MED27: variants seen among roughly 807,000 people sequenced by gnomAD.
The protein encoded by MED27 is mediator of RNA polymerase II transcription subunit 27.
A neutral mutation model predicts 38.2 loss-of-function variants in MED27; 30 were observed. The ratio of observed to expected loss-of-function variants is 0.79; its 90% CI spans 0.59 to 1.07. The LOEUF (loss-of-function observed/expected upper bound fraction) is 1.07, where lower values mean the gene tolerates loss of function less well. Among genes scored for constraint, MED27 ranks in the 50% least tolerant of loss-of-function variants. The pLI is 0.00. For synonymous variants in MED27, 122 were observed against 153.5 expected (o/e 0.79, Z 1.52); for missense variants, 289 against 397.5 (o/e 0.73, Z 2.32).
At chr9:131,941,850 G>A (rs1421038510) in intron 3 of MED27, among the ~76,000 whole-genome samples, 1 of 57,352 alleles carries the variant, frequency 1.7e-5, no homozygotes, top group Admixed American at 2.6e-4. Context: ...TTTTGAGACC[G>A]AGTCTCGCTC....
rs946623150 is a variant in MED27, at chr9:131,910,034, G to A, written c.574-16042C>T. 2.0e-5 allele frequency among the ~76,000 whole-genome samples: 3 copies of A among 152,298 alleles called. No homozygotes were observed. The East Asian group carries it at 5.8e-4, about 29-fold the overall frequency. On this transcript the variant is annotated intron_variant, in intron 4 of 7. Transcript: ENST00000292035. ...CTTTTATAAGATTTGAATAGTAGCA[G>A]TTTGCATTTATGTAGAATGCATTTA... is the stretch of plus-strand genomic sequence containing the variant.
At chr9:131,950,192 T>G (rs1830965072) in intron 3 of MED27, among the ~76,000 whole-genome samples, 1 of 152,216 alleles carries the variant, frequency 6.6e-6, no homozygotes, top group South Asian at 2.1e-4. Context: ...TGTGTTGAGC[T>G]TTCCAGCAAC....
chr9:132,067,812 C>T (rs1166695473), intron 2 of MED27, among the ~76,000 whole-genome samples: 3 of 151,942 alleles, frequency 2.0e-5, no homozygotes, highest in Non-Finnish European at 2.9e-5. Flanking sequence ...CCCGGGTTCA[C>T]GCCATTCTCC....
At chr9:132,047,840 T>C (rs1286619827) in intron 2 of MED27, among the ~76,000 whole-genome samples, 1 of 152,152 alleles carries the variant, frequency 6.6e-6, no homozygotes. Flanking sequence ...TTTCATTGCA[T>C]ATCAAGAATG....
intron 4 of MED27, among the ~76,000 whole-genome samples, chr9:131,929,581 C>A (rs1308938921): frequency 6.6e-6 from 1 of 152,150 alleles, no homozygotes; most frequent in African/African-American, 2.4e-5. Context: ...TTTTCACTGA[C>A]TGAAGGGCCC....
At chr9:131,991,055 C>T (rs1831961105) in intron 3 of MED27, among the ~76,000 whole-genome samples, 1 of 152,190 alleles carries the variant, frequency 6.6e-6, no homozygotes, top group South Asian at 2.1e-4. Flanking sequence ...TAAAACATAA[C>T]TGAGAGCACT....
At chr9:131,946,281 G>A (rs1033865439) in intron 3 of MED27, among the ~76,000 whole-genome samples, 5 of 152,094 alleles carry the variant, frequency 3.3e-5, no homozygotes, top group African/African-American at 1.2e-4. Context: ...AGAATTGCTG[G>A]GTCATATGGT....
At chr9:132,026,768 C>T (rs114646185) in intron 2 of MED27, among the ~76,000 whole-genome samples, 2,346 of 152,104 alleles carry the variant, frequency 0.015, 62 homozygotes, top group African/African-American at 0.053. Context: ...CAGTGCTTGG[C>T]CTATCAATAA....
intron 4 of MED27, among the ~76,000 whole-genome samples, chr9:131,920,694 C>T (rs563951476): frequency 6.6e-6 from 1 of 152,114 alleles, no homozygotes; most frequent in South Asian, 2.1e-4. Flanking sequence ...GTAGAAGAGA[C>T]AGGAGAGCAG....
intron 4 of MED27, among the ~76,000 whole-genome samples, chr9:131,901,463 C>T (rs1029973537): frequency 2.0e-5 from 3 of 152,130 alleles, no homozygotes; most frequent in Non-Finnish European, 4.4e-5. Context: ...GTAACAAAAT[C>T]GACATATGCC....
intron 4 of MED27, among the ~76,000 whole-genome samples, chr9:131,914,106 G>A (rs151172532): frequency 1.8e-4 from 27 of 152,348 alleles, no homozygotes; most frequent in African/African-American, 6.5e-4. Context: ...GATGAGGGCA[G>A]AGGGCAGGGA....
intron 3 of MED27, among the ~76,000 whole-genome samples, chr9:131,940,662 T>G (rs1471995303): frequency 6.6e-6 from 1 of 152,172 alleles, no homozygotes; most frequent in Non-Finnish European, 1.5e-5. Context: ...GTGATCCACC[T>G]GCCTCAGCCT....
intron 3 of MED27, 33 bp downstream of exon 3, chr9:132,014,304 G>A: frequency 6.2e-7 from 1 of 1,600,814 alleles, no homozygotes; most frequent in Non-Finnish European, 8.5e-7. Flanking sequence ...AGTTCACCCA[G>A]TACTAAAGTA....
chr9:132,035,331 A>C lies in MED27; in HGVS notation c.349-20864T>G, dbSNP rs556720698. On this transcript the variant is annotated intron_variant, in intron 2 of 7. Coordinates refer to ENST00000292035, the MANE Select transcript of MED27 (RefSeq NM_004269.4). ...GTCAAATGTGCCTGGCACTGCTCTA[A>C]GGACAGTACTGGGAATAAGCAACAA... Among the ~76,000 whole-genome samples, 3 of 152,374 alleles carry C rather than the reference A, an allele frequency of 2.0e-5. No individual in the cohort carries two copies. In the East Asian group the frequency reaches 5.8e-4, roughly 29 times the overall value.
rs986859320 is a variant in MED27, at chr9:131,883,864, C to T, written c.723+194G>A. On this transcript the variant is annotated intron_variant, in intron 6 of 7. Transcript: ENST00000292035. This position sits in a 1 kb window ranked among gnomAD's most constrained non-coding sequence, Gnocchi z 4.2. Reference sequence around the variant, plus strand: ...CCCTGTACCCACCCTTAGGCAACCACGGATCTGATTTCTGTCCCTAAGGTT... The same window carrying T: ...CCCTGTACCCACCCTTAGGCAACCATGGATCTGATTTCTGTCCCTAAGGTT... 4.6e-5 allele frequency among the ~76,000 whole-genome samples: 7 copies of T among 152,198 alleles called. No individual in the cohort carries two copies. The highest frequency in any genetic ancestry group is 1.2e-4 in the African/African-American group (5 of 41,444).
intron 4 of MED27, among the ~76,000 whole-genome samples, chr9:131,927,675 G>A (rs1830506791): frequency 6.6e-6 from 1 of 152,130 alleles, no homozygotes; most frequent in African/African-American, 2.4e-5. Context: ...GTTCTGATTG[G>A]CCCCGAAGCC....
intron 2 of MED27, among the ~76,000 whole-genome samples, chr9:132,020,010 T>C (rs780398845): frequency 6.6e-6 from 1 of 152,212 alleles, no homozygotes; most frequent in African/African-American, 2.4e-5. Context: ...CTCTGTTGTC[T>C]TCAAGTTTTA....
intron 2 of MED27, among the ~76,000 whole-genome samples, chr9:132,071,203 T>G (rs1272378526): frequency 6.6e-6 from 1 of 152,194 alleles, no homozygotes; most frequent in Non-Finnish European, 1.5e-5. Context: ...ACAGAGAGGT[T>G]AGCCTCACAG....
chr9:131,951,103 G>A (rs1453482715), intron 3 of MED27, among the ~76,000 whole-genome samples: 1 of 152,156 alleles, frequency 6.6e-6, no homozygotes, highest in African/African-American at 2.4e-5. Flanking sequence ...CTTCCTGGGC[G>A]AGGTGCCTCG....
Sources: allele counts gnomAD v4.1 joint callset (sites outside exome capture counted in the v4.1 genomes callset), GRCh38; gene constraint gnomAD v4.1.1; non-coding constraint Gnocchi (gnomAD v3.1); transcripts MANE v1.5; gene names NCBI Gene and HGNC (gene_info 2026-07-23, HGNC 2026-07-21).